The following ZFAT variants were observed in gnomAD, a reference collection of about 807,000 sequenced individuals.
The protein encoded by ZFAT is zinc finger and AT-hook domain containing, also known as zinc finger protein ZFAT.
ZFAT carries 64 observed loss-of-function variants against 117.7 expected under a neutral mutation model. The observed-to-expected ratio is 0.54, with a 90% CI of 0.44 to 0.67. The LOEUF (loss-of-function observed/expected upper bound fraction) is 0.67, where lower values mean the gene tolerates loss of function less well. Ranked by LOEUF, ZFAT falls within the 30% of genes least tolerant of loss-of-function variation. The pLI, the probability that ZFAT is intolerant of heterozygous loss-of-function variation, is 0.00. For missense variants in ZFAT, 1,433 were observed against 1,584.5 expected (o/e 0.90, Z 1.62); for synonymous variants, 679 against 615.0 (o/e 1.10, Z -1.54).
chr8:134,810,805 T>A, the ZFAT span, among the ~76,000 whole-genome samples: 1 of 152,198 alleles, frequency 6.6e-6, no homozygotes, highest in African/African-American at 2.4e-5. Flanking sequence ...CATTTACAGA[T>A]TGCAGCCACA....
intron 1 of ZFAT, among the ~76,000 whole-genome samples, chr8:134,701,635 A>G (rs546786758): frequency 6.6e-6 from 1 of 152,340 alleles, no homozygotes; most frequent in South Asian, 2.1e-4. Context: ...CAAACAGTGA[A>G]CAAAGGTTCT....
chr8:134,831,195 T>TTCAGACC, the ZFAT span, among the ~76,000 whole-genome samples: 2 of 152,210 alleles, frequency 1.3e-5, no homozygotes, highest in African/African-American at 2.4e-5. Flanking sequence ...CCTGAAACTC[T>TTCAGACC]TCAGACACAC....
At chr8:134,651,463 G>A (rs1157722935) in intron 2 of ZFAT, among the ~76,000 whole-genome samples, 6 of 152,208 alleles carry the variant, frequency 3.9e-5, no homozygotes, top group African/African-American at 1.4e-4. Flanking sequence ...TTAGGTAGTT[G>A]TAGAAGTTGT....
intron 12 of ZFAT, among the ~76,000 whole-genome samples, chr8:134,528,070 C>T (rs781156946): frequency 4.0e-5 from 6 of 150,762 alleles, no homozygotes; most frequent in Non-Finnish European, 8.9e-5. Flanking sequence ...GAGATGACCA[C>T]GCCTCTTCCT....
chr8:134,676,701 A>G (rs1381427498), intron 1 of ZFAT, among the ~76,000 whole-genome samples: 5 of 152,140 alleles, frequency 3.3e-5, no homozygotes, highest in African/African-American at 1.2e-4. Flanking sequence ...TGGAAGTAAA[A>G]CACTCCTCAG....
chr8:134,809,946 A>G, the ZFAT span, among the ~76,000 whole-genome samples: 2 of 152,342 alleles, frequency 1.3e-5, no homozygotes, highest in East Asian at 3.9e-4. Flanking sequence ...TGTCACCACC[A>G]ACACATAGAG....
the ZFAT span, among the ~76,000 whole-genome samples, chr8:134,764,488 T>C: frequency 1.3e-5 from 2 of 152,242 alleles, no homozygotes; most frequent in Admixed American, 1.3e-4. Context: ...TGCTTAACTA[T>C]GCAAATACAG....
the ZFAT span, among the ~76,000 whole-genome samples, chr8:134,791,402 C>T: frequency 2.6e-5 from 4 of 152,130 alleles, no homozygotes; most frequent in African/African-American, 9.7e-5. Flanking sequence ...TCTCAGGGTC[C>T]ATTGGTGAGA....
At chr8:134,738,319 A>G in the ZFAT span, among the ~76,000 whole-genome samples, 57 of 152,272 alleles carry the variant, frequency 3.7e-4, no homozygotes, top group African/African-American at 1.3e-3. Context: ...GTCCCAACTC[A>G]TGAGCTCTTG....
At chr8:134,826,519 C>T in the ZFAT span, among the ~76,000 whole-genome samples, 1 of 152,148 alleles carries the variant, frequency 6.6e-6, no homozygotes, top group African/African-American at 2.4e-5. Flanking sequence ...GTAAAATTTC[C>T]ACTCCATCTA....
chr8:134,687,650 C>G (rs1342423575), intron 1 of ZFAT, among the ~76,000 whole-genome samples: 2 of 152,114 alleles, frequency 1.3e-5, no homozygotes, highest in Admixed American at 1.3e-4. Flanking sequence ...CTGGACACGA[C>G]AGCTCCCCAT....
At chr8:134,744,258 C>A in the ZFAT span, among the ~76,000 whole-genome samples, 2 of 150,890 alleles carry the variant, frequency 1.3e-5, no homozygotes, top group East Asian at 3.9e-4. Flanking sequence ...GTTGTTCTTG[C>A]TGGCTGTTGG....
chr8:134,485,040 A>G (rs1460552676), intron 15 of ZFAT, among the ~76,000 whole-genome samples: 2 of 152,192 alleles, frequency 1.3e-5, no homozygotes, highest in African/African-American at 4.8e-5. Context: ...TGGAATGATA[A>G]GAAGTGCTTG....
intron 15 of ZFAT, among the ~76,000 whole-genome samples, 158 bp downstream of exon 15, chr8:134,509,461 C>G (rs570623037): frequency 2.6e-5 from 4 of 152,200 alleles, no homozygotes; most frequent in Admixed American, 6.5e-5. Context: ...GAAGCACTCC[C>G]ATGAGATCAG....
intron 13 of ZFAT, among the ~76,000 whole-genome samples, chr8:134,518,169 C>T (rs1820384135): frequency 6.6e-6 from 1 of 152,154 alleles, no homozygotes; most frequent in African/African-American, 2.4e-5. Context: ...ATTCCTTCTA[C>T]ATTTATTAAT....
chr8:134,705,877 T>A (rs551509408), intron 1 of ZFAT, among the ~76,000 whole-genome samples: 26 of 151,960 alleles, frequency 1.7e-4, no homozygotes, highest in Admixed American at 3.3e-4. Context: ...AATAGACACA[T>A]CTCTAAAGAT....
At chr8:134,510,633 G>A (rs1819757058) in intron 14 of ZFAT, 1 of 158,782 alleles carries the variant, frequency 6.3e-6, no homozygotes, top group African/African-American at 2.4e-5. Flanking sequence ...GCCCCTTAAG[G>A]GAAATGGTGC....
chr8:134,722,346 C>T, the ZFAT span, among the ~76,000 whole-genome samples: 48 of 152,270 alleles, frequency 3.2e-4, no homozygotes, highest in East Asian at 7.9e-3. Flanking sequence ...ATAAGAAAAC[C>T]GGGTTTGCCC....
rs979052298 is a variant in ZFAT at position 134,547,500 on chromosome 8, C to T, written c.2977-14528G>A. On this transcript the variant is annotated intron_variant, in intron 11 of 15. Transcript: ENST00000377838. ...CCTCAGGACCTGGCTCTGTACAGAA[C>T]TGCCCACAGAACTGTCCACAGAACT... is the stretch of plus-strand genomic sequence containing the variant. Among the ~76,000 whole-genome samples, 8 of 146,266 alleles carry T rather than the reference C, an allele frequency of 5.5e-5. No individual in the cohort carries two copies. In the South Asian group the frequency reaches 1.2e-3, roughly 22 times the overall value.
Sources: allele counts gnomAD v4.1 joint callset (sites outside exome capture counted in the v4.1 genomes callset), GRCh38; gene constraint gnomAD v4.1.1; transcripts MANE v1.5; gene names NCBI Gene and HGNC (gene_info 2026-07-23, HGNC 2026-07-21).